NR2F6: variants seen among roughly 807,000 people sequenced by gnomAD.
NR2F6 encodes nuclear receptor subfamily 2 group F member 6.
Under a neutral mutation model 26.5 loss-of-function variants are expected in NR2F6, and 16 were observed. That is an observed-to-expected ratio of 0.60 (90% CI 0.41 to 0.92). The LOEUF is 0.92. Ranked by LOEUF, NR2F6 falls within the 40% of genes least tolerant of loss-of-function variation. NR2F6 has a pLI of 0.00. For synonymous variants in NR2F6, 325 were observed against 305.0 expected, an observed-to-expected ratio of 1.07 and a Z score of -0.68; for missense variants, 536 against 631.7, an observed-to-expected ratio of 0.85 and a Z score of 1.62.
chr19:17,233,096 G>A lies in NR2F6; in HGVS notation c.941-470C>T, dbSNP rs184229814. Among the ~76,000 whole-genome samples, 176 of 152,180 alleles carry A rather than the reference G, an allele frequency of 1.2e-3. 1 individual carries two copies. Among genetic ancestry groups the A allele is most frequent in the Non-Finnish European group, 1.2e-3 (84 of 68,002 alleles). The stretch of plus-strand genomic sequence containing the variant: ...TGGGAGGCGGAGGTTGCAGTGAGCC[G>A]AGATCGTGCCACTGCACTCCAGCCT... On this transcript the variant is annotated intron_variant, in intron 3 of 3. Transcript: ENST00000291442.
intron 1 of NR2F6, chr19:17,244,573 C>T (rs541019867): frequency 2.4e-4 from 56 of 232,330 alleles, no homozygotes; most frequent in Admixed American, 4.3e-4. Context: ...TCGAGGGCAT[C>T]CCGCGCGCCG....
chr19:17,234,130 G>A (rs892914047), intron 3 of NR2F6, among the ~76,000 whole-genome samples: 2 of 151,832 alleles, frequency 1.3e-5, no homozygotes, highest in Non-Finnish European at 2.9e-5. Flanking sequence ...GGCTGAGGCA[G>A]GAGAATAGCT....
At chr19:17,240,818 G>A (rs932806236) in intron 1 of NR2F6, 53 bp from the exon 2 acceptor site, 28 of 1,573,798 alleles carry the variant, frequency 1.8e-5, no homozygotes, top group African/African-American at 5.4e-5. Flanking sequence ...CCTCCTCCCC[G>A]AACCAGCCTA....
chr19:17,236,266 G>T (rs903795577), intron 2 of NR2F6, among the ~76,000 whole-genome samples: 1 of 130,930 alleles, frequency 7.6e-6, no homozygotes, highest in Non-Finnish European at 1.6e-5. Flanking sequence ...GGGATGAGGG[G>T]CCAAGTAGGT....
intron 3 of NR2F6, among the ~76,000 whole-genome samples, chr19:17,234,830 G>C (rs1568316251): frequency 6.6e-6 from 1 of 152,176 alleles, no homozygotes; most frequent in Non-Finnish European, 1.5e-5. Flanking sequence ...CTGCACTCCA[G>C]CCTGGGTGAC....
rs774936746 is a variant in NR2F6, at chr19:17,240,672, C to T, written c.372G>A (p.Glu124=). Residue 124 remains glutamate (E), a splice_region_variant and synonymous_variant, in exon 2 of 4, where the codon GAG becomes GAA. Transcript: ENST00000291442. ...KKCFRVGMRK[E]AVQRGRIPHS... ...AGTGTGTCCCCAGCACGTACTCACC[C>T]TCCTTCCTCATGCCCACCCGGAAGC... 2 of 1,614,216 alleles carry T rather than the reference C, an allele frequency of 1.2e-6. No individual in the cohort carries two copies. Among genetic ancestry groups the T allele is most frequent in the African/African-American group, 1.3e-5 (1 of 75,060 alleles).
intron 2 of NR2F6, among the ~76,000 whole-genome samples, chr19:17,240,042 T>C (rs1044590042): frequency 2.0e-5 from 3 of 152,096 alleles, no homozygotes; most frequent in African/African-American, 7.2e-5. Context: ...CTAAGGGGGT[T>C]TGGCAGAGTT....
rs559876882 is a variant in NR2F6 at position 17,232,345 on chromosome 19, G to A, written c.*7C>T. On this transcript the variant is annotated 3_prime_UTR_variant, in exon 4 of 4. Transcript: ENST00000291442. ...GCCTGGCCACAGCACACGTGGCCCC[G>A]TCATGGTCACTGGCCCGAGCCGTAG... The A allele has an allele frequency of 4.1e-5, 66 of 1,613,768 alleles. No homozygotes were observed. The highest frequency in any genetic ancestry group is 2.0e-4 in the Admixed American group (12 of 60,026).
Position 17,235,208 on chromosome 19 carries a change from G to C in NR2F6, c.940+291C>G, listed in dbSNP as rs1306902093. Among the ~76,000 whole-genome samples, 2 of 152,252 alleles carry C rather than the reference G, an allele frequency of 1.3e-5. No individual in the cohort carries two copies. The highest frequency in any genetic ancestry group is 2.9e-5 in the Non-Finnish European group (2 of 68,034). On this transcript the variant is annotated intron_variant, in intron 3 of 3. Transcript: ENST00000291442. The surrounding 1 kb of genome is among the most constrained non-coding windows in gnomAD (Gnocchi z 5.0). The stretch of plus-strand genomic sequence containing the variant: ...GGGGTCTCAGGGAGCCTGGGAACAG[G>C]AAGAGGGTTCTGGGGTCTGGGCCCT...
rs1480205728 is a variant in NR2F6, at chr19:17,240,655, C to T, written c.373+16G>A. On this transcript the variant is annotated intron_variant, in intron 2 of 3. Coordinates refer to ENST00000291442, the MANE Select transcript of NR2F6 (RefSeq NM_005234.4). ...CGGCTGTGATCGTCCCCAGTGTGTC[C>T]CCAGCACGTACTCACCCTCCTTCCT... The T allele has an allele frequency of 3.1e-6, 5 of 1,613,522 alleles. No individual in the cohort carries two copies. The East Asian group carries it at 1.1e-4, about 36-fold the overall frequency.
rs902103587 is a variant in NR2F6 at position 17,235,168 on chromosome 19, T to A, written c.940+331A>T. The stretch of plus-strand genomic sequence containing the variant: ...AGTGCTCACTAAGCCTGAAGAGCCC[T>A]TTGGTGAGGGAGTAGGGGTCTCAGG... On this transcript the variant is annotated intron_variant, in intron 3 of 3. Transcript: ENST00000291442. This position sits in a 1 kb window ranked among gnomAD's most constrained non-coding sequence, Gnocchi z 5.0. 9.2e-5 allele frequency among the ~76,000 whole-genome samples: 14 copies of A among 152,110 alleles called. No individual in the cohort carries two copies. The highest frequency in any genetic ancestry group is 3.1e-4 in the African/African-American group (13 of 41,416).
chr19:17,233,795 G>GATGGGTTCT (rs2073421020), intron 3 of NR2F6, among the ~76,000 whole-genome samples: 1 of 152,002 alleles, frequency 6.6e-6, no homozygotes, highest in African/African-American at 2.4e-5. Flanking sequence ...AGGCCAAGGA[G>GATGGGTTCT]ATGGGTTCTA....
chr19:17,238,683 A>C (rs10424936), intron 2 of NR2F6, among the ~76,000 whole-genome samples: 9,079 of 152,250 alleles, frequency 0.06, 371 homozygotes, highest in Middle Eastern at 0.19. Flanking sequence ...GTTACCCCCA[A>C]ACTTAAAAGG....
At chr19:17,241,402 C>G (rs1312550562) in intron 1 of NR2F6, among the ~76,000 whole-genome samples, 1 of 152,378 alleles carries the variant, frequency 6.6e-6, no homozygotes, top group African/African-American at 2.4e-5. Context: ...ACCACCCAAC[C>G]CCTATGCAAG....
Position 17,232,465 on chromosome 19 carries a change from T to C in NR2F6, c.1102A>G (p.Ile368Val). 1.2e-6 allele frequency: 2 copies of C among 1,613,876 alleles called. No homozygotes were observed. Among genetic ancestry groups the C allele is most frequent in the African/African-American group, 1.3e-5 (1 of 75,040 alleles). The change falls in exon 4 of 4, where the codon ATC becomes GTC. Residue 368 changes from isoleucine to valine, a missense_variant. Coordinates refer to ENST00000291442, the MANE Select transcript of NR2F6 (RefSeq NM_005234.4). The stretch of plus-strand genomic sequence containing the variant: ...AGGCGCATGAAGAACAGCTGGGAGA[T>C]GAGGGAGGCAGGGACCGCGCGCAGG... ...PALRAVPASL[I>V]SQLFFMRLVG...
chr19:17,240,845 G>T, intron 1 of NR2F6, 80 bp from the exon 2 acceptor site: 1 of 1,420,414 alleles, frequency 7.0e-7, no homozygotes, highest in Non-Finnish European at 9.7e-7. Flanking sequence ...GCCTTTGGAG[G>T]CTGCCCCTCA....
At chr19:17,244,735 TG>T (rs147399062) in intron 1 of NR2F6, among the ~76,000 whole-genome samples, 76 of 151,566 alleles carry the variant, frequency 5.0e-4, no homozygotes, top group Non-Finnish European at 9.0e-4. Context: ...GACCACCTGA[TG>T]GGGGGGGAAC....
intron 1 of NR2F6, 116 bp downstream of exon 1, chr19:17,244,827 G>T: frequency 1.6e-6 from 2 of 1,231,644 alleles, no homozygotes; most frequent in South Asian, 2.9e-5. Context: ...TATCTCAGAG[G>T]GGGCAGTGGA....
chr19:17,238,969 G>A (rs529905366), intron 2 of NR2F6, among the ~76,000 whole-genome samples: 4 of 152,296 alleles, frequency 2.6e-5, no homozygotes, highest in Admixed American at 2.0e-4. Context: ...GGGAGGCTGA[G>A]GCGAGCGGAT....
Sources: gnomAD v4.1 joint callset for allele counts (sites outside exome capture counted in the v4.1 genomes callset) on GRCh38, gnomAD v4.1.1 for gene constraint, Gnocchi (gnomAD v3.1) non-coding constraint, MANE v1.5 for transcripts, NCBI Gene and HGNC (gene_info 2026-07-23, HGNC 2026-07-21) for gene names.